The following SETD2 variants were observed in gnomAD, a reference collection of about 807,000 sequenced individuals.
SETD2 encodes SET domain containing 2, histone lysine methyltransferase, also known as histone-lysine N-methyltransferase SETD2.
In SETD2, 31 loss-of-function variants were observed where a neutral mutation model predicts 242.1. That is an observed-to-expected ratio of 0.13 (90% CI 0.10 to 0.17). SETD2 has a LOEUF of 0.17. Among genes scored for constraint, SETD2 ranks in the 10% least tolerant of loss-of-function variants. SETD2 has a pLI of 1.00. For synonymous variants in SETD2, 1,006 were observed against 1,066.5 expected (o/e 0.94, Z 1.11); for missense variants, 2,481 against 3,046.3 (o/e 0.81, Z 4.37).
At position 47,124,371 on chromosome 3, in the gene SETD2, G is replaced by A. The variant is rs374799616; in HGVS notation, c.265C>T (p.Leu89Phe). 339 of 1,551,928 alleles carry A rather than the reference G, an allele frequency of 2.2e-4. No individual in the cohort carries two copies. The highest frequency in any genetic ancestry group is 2.7e-4 in the Non-Finnish European group (313 of 1,147,032). The change falls in exon 3 of 21, where the codon CTC becomes TTC. Residue 89 changes from leucine to phenylalanine, a missense_variant. Physicochemically the swap from Leu to Phe is conservative, Grantham distance 22 (BLOSUM62 0). Coordinates refer to ENST00000409792, the MANE Select transcript of SETD2 (RefSeq NM_014159.7). ...TGCTTTTCATTGCCAAGTGCAGTGA[G>A]AAACCTATTCTGCAAAGTTTTCTTT... ...LTKKTLQNRF[L>F]TALGNEKQSD...
intron 9 of SETD2, among the ~76,000 whole-genome samples, chr3:47,096,422 G>A (rs2042006557): frequency 6.6e-6 from 1 of 152,150 alleles, no homozygotes; most frequent in African/African-American, 2.4e-5. Context: ...AAAGAGGGCT[G>A]AAGGCTGGGT....
chr3:47,096,038 G>A (rs951690846), intron 9 of SETD2, among the ~76,000 whole-genome samples: 2 of 151,952 alleles, frequency 1.3e-5, no homozygotes, highest in Admixed American at 1.3e-4. Context: ...TTATAAGCAA[G>A]AGCCACCACG....
In SETD2 at chr3:47,086,129, C is replaced by A; in HGVS notation, c.5397+66G>T. ...AAATTCATAATTACTGATATTATCA[C>A]ATATCCACAACCGAGGCAATCAATA... On this transcript the variant is annotated intron_variant, in intron 11 of 20. Transcript: ENST00000409792. The A allele has an allele frequency of 1.9e-6, 3 of 1,558,114 alleles. No individual in the cohort carries two copies. The South Asian group carries it at 3.4e-5, about 17-fold the overall frequency.
chr3:47,031,109 G>A (rs1203002486), intron 18 of SETD2, among the ~76,000 whole-genome samples: 1 of 152,234 alleles, frequency 6.6e-6, no homozygotes, highest in Non-Finnish European at 1.5e-5. Flanking sequence ...GAGAAGGCAT[G>A]ATGAGTAAGC....
chr3:47,109,843 G>T (rs892148834), intron 5 of SETD2, among the ~76,000 whole-genome samples: 6 of 151,940 alleles, frequency 3.9e-5, no homozygotes, highest in African/African-American at 1.5e-4. Flanking sequence ...AAAATTAGCT[G>T]GGCATGGTGG....
intron 9 of SETD2, among the ~76,000 whole-genome samples, chr3:47,093,518 A>C (rs1347835280): frequency 3.9e-5 from 6 of 152,082 alleles, no homozygotes; most frequent in Non-Finnish European, 8.8e-5. Flanking sequence ...TCCTGACCTC[A>C]GGTGATCTGC....
In SETD2 at chr3:47,046,562, T is replaced by C. The variant is rs780703918; in HGVS notation, c.7023A>G (p.Pro2341=). 8 of 1,613,494 alleles carry C rather than the reference T, an allele frequency of 5.0e-6. No homozygotes were observed. Among genetic ancestry groups the C allele is most frequent in the Non-Finnish European group, 6.8e-6 (8 of 1,179,624 alleles). Residue 2341 remains proline, a synonymous_variant, in exon 16 of 21, where the codon CCA becomes CCG. Coordinates refer to ENST00000409792, the MANE Select transcript of SETD2 (RefSeq NM_014159.7). ...IQGQQIFTAH[P]QGVVVQPAAA... ...CGGCTGGCTGTACCACCACTCCTTG[T>C]GGATGAGCTGTGAAAATCTGTTGCC... is the stretch of plus-strand genomic sequence containing the variant.
At chr3:47,021,873 G>T (rs2038234296) in intron 18 of SETD2, among the ~76,000 whole-genome samples, 1 of 152,206 alleles carries the variant, frequency 6.6e-6, no homozygotes, top group African/African-American at 2.4e-5. Flanking sequence ...GTAAGGCTGG[G>T]TGTGGTGGCT....
At position 47,085,414 on chromosome 3, in the gene SETD2, T is replaced by C. The variant is rs533709841; in HGVS notation, c.5397+781A>G. On this transcript the variant is annotated intron_variant, in intron 11 of 20. Transcript: ENST00000409792. ...AAAAATGCAGACATCTCTTCAGCTT[T>C]TGATAAACAGCTGTCTAGCAAAGAG... 2.6e-5 allele frequency among the ~76,000 whole-genome samples: 4 copies of C among 152,356 alleles called. No homozygotes were observed. In the South Asian group the frequency reaches 6.2e-4, roughly 24 times the overall value.
chr3:47,115,332 T>C (rs1339392038), intron 4 of SETD2, among the ~76,000 whole-genome samples: 1 of 152,064 alleles, frequency 6.6e-6, no homozygotes, highest in African/African-American at 2.4e-5. Context: ...AATATTTTTC[T>C]TCATGTATGC....
chr3:47,089,766 C>A (rs185273485), intron 9 of SETD2, among the ~76,000 whole-genome samples: 1 of 151,800 alleles, frequency 6.6e-6, no homozygotes, highest in African/African-American at 2.4e-5. Flanking sequence ...AAGAGGCCTA[C>A]ATAAGGGAGT....
intron 14 of SETD2, among the ~76,000 whole-genome samples, chr3:47,061,891 G>A (rs1350091744): frequency 2.6e-5 from 4 of 152,086 alleles, no homozygotes; most frequent in Admixed American, 1.3e-4. Context: ...CATTGCGCTC[G>A]AAAGAACAAA....
At chr3:47,094,129 T>C (rs945591276) in intron 9 of SETD2, among the ~76,000 whole-genome samples, 5 of 152,220 alleles carry the variant, frequency 3.3e-5, no homozygotes, top group Admixed American at 6.5e-5. Context: ...TAAATTATTA[T>C]TGATTTGTTT....
chr3:47,060,318 C>T (rs1490506142), intron 14 of SETD2, among the ~76,000 whole-genome samples: 2 of 152,098 alleles, frequency 1.3e-5, no homozygotes, highest in African/African-American at 2.4e-5. Context: ...AATGTCAAGT[C>T]GCTACAGAAT....
chr3:47,123,242 T>C lies in SETD2; in HGVS notation c.1394A>G (p.Tyr465Cys), dbSNP rs1470973719. The change falls in exon 3 of 21, where the codon TAT becomes TGT. Residue 465 changes from tyrosine to cysteine, a missense_variant. By Grantham distance (194) the Tyr-to-Cys change is radical (BLOSUM62 -2). Transcript: ENST00000409792. ...GGTACGCCTTGAGTATGTCTTCTTATACTCTTCTTCTGAGTCAGAACTCTC... is the reference window on the plus strand; with the variant it reads ...GGTACGCCTTGAGTATGTCTTCTTACACTCTTCTTCTGAGTCAGAACTCTC... ...ARESSDSEEE[Y>C]KKTYSRRTSS... 1 of 1,556,164 alleles carries C rather than the reference T, an allele frequency of 6.4e-7. No homozygotes were observed. Among genetic ancestry groups the C allele is most frequent in the Non-Finnish European group, 8.7e-7 (1 of 1,148,664 alleles).
chr3:47,083,271 T>A (rs35053471), intron 12 of SETD2, among the ~76,000 whole-genome samples: 48,912 of 152,100 alleles, frequency 0.32, 8,498 homozygotes, highest in South Asian at 0.44. Flanking sequence ...TCCATAAAGT[T>A]GTTTTTCTAA....
intron 8 of SETD2, among the ~76,000 whole-genome samples, chr3:47,098,972 C>CA (rs2042106992): frequency 6.6e-6 from 1 of 151,898 alleles, no homozygotes; most frequent in South Asian, 2.1e-4. Flanking sequence ...AGCACAGAGG[C>CA]AAAAAAATGG....
At chr3:47,135,524 G>A (rs1559758885) in intron 1 of SETD2, among the ~76,000 whole-genome samples, 1 of 152,284 alleles carries the variant, frequency 6.6e-6, no homozygotes, top group African/African-American at 2.4e-5. Context: ...CAATCTGTCC[G>A]CCTTGGCCTC....
rs2039543410 is a variant in SETD2 at position 47,046,617 on chromosome 3, T to A, written c.6968A>T (p.Tyr2323Phe). 2 of 1,608,704 alleles carry A rather than the reference T, an allele frequency of 1.2e-6. No homozygotes were observed. The highest frequency in any genetic ancestry group is 1.7e-5 in the Admixed American group (1 of 58,864). The change falls in exon 16 of 21, where the codon TAT (tyrosine) becomes TTT (phenylalanine). Residue 2323 changes from tyrosine to phenylalanine, a missense_variant. Coordinates refer to ENST00000409792, the MANE Select transcript of SETD2 (RefSeq NM_014159.7). ...SQTTPPIVQS[Y>F]AQPSLQYIQG... ...GATATACTGAAGACTTGGCTGGGCA[T>A]AACTCTAAAAGATAAAATGAAGAAA...
Sources: allele counts gnomAD v4.1 joint callset (sites outside exome capture counted in the v4.1 genomes callset), GRCh38; gene constraint gnomAD v4.1.1; transcripts MANE v1.5; gene names NCBI Gene and HGNC (gene_info 2026-07-23, HGNC 2026-07-21).